RPS6KA6: variants seen among roughly 807,000 people sequenced by gnomAD.
RPS6KA6 encodes ribosomal protein S6 kinase A6.
In RPS6KA6, 27 loss-of-function variants were observed where a neutral mutation model predicts 65.4. The ratio of observed to expected loss-of-function variants is 0.41; its 90% CI spans 0.30 to 0.57. RPS6KA6 has a LOEUF of 0.57. RPS6KA6 is among the 20% of genes least tolerant of loss of function. The probability of loss-of-function intolerance (pLI) is 0.24; values close to 1 mark genes in which losing one functional copy is unlikely to be tolerated. For missense variants in RPS6KA6, 486 were observed against 555.6 expected (o/e 0.87, Z 1.26); for synonymous variants, 190 against 184.2 (o/e 1.03, Z -0.26).
chrX:84,131,571 G>A (rs1225233389), intron 8 of RPS6KA6, among the ~76,000 whole-genome samples: 1 of 111,428 alleles, frequency 9.0e-6, no homozygotes, highest in Non-Finnish European at 1.9e-5. Flanking sequence ...AGAGAAGGGG[G>A]GAGAGAAGAA....
intron 2 of RPS6KA6, among the ~76,000 whole-genome samples, chrX:84,160,461 G>A (rs1234887655): frequency 9.0e-6 from 1 of 111,586 alleles, no homozygotes; most frequent in Non-Finnish European, 1.9e-5. Context: ...AGAAAAAGCT[G>A]ATGACAACCT....
chrX:84,079,937 G>A (rs1231970299), intron 20 of RPS6KA6, among the ~76,000 whole-genome samples: 1 of 112,221 alleles, frequency 8.9e-6, no homozygotes, highest in Non-Finnish European at 1.9e-5. Context: ...CTACTCTGAA[G>A]AGAGCAGTGG....
intron 20 of RPS6KA6, among the ~76,000 whole-genome samples, chrX:84,068,744 T>C (rs780355133): frequency 7.2e-5 from 8 of 111,876 alleles, no homozygotes; most frequent in Admixed American, 1.9e-4. Flanking sequence ...AAAACCAATG[T>C]GCAAAAATCA....
rs1464144995 is a variant in RPS6KA6, at chrX:84,105,889, A to C, written c.1366-13T>G. 1 of 967,371 alleles carries C rather than the reference A, an allele frequency of 1.0e-6. No homozygotes were observed. The highest frequency in any genetic ancestry group is 1.5e-6 in the Non-Finnish European group (1 of 688,871). The allele number at this position is 967,371 out of a possible 1,213,427, so 79.7% of individuals were successfully genotyped here. ...TTTTGTCAATGATCTAAGAAATACG[A>C]AAAAAGAAAAATATCTGAGGCAAAC... On this transcript the variant is annotated splice_polypyrimidine_tract_variant and intron_variant, in intron 15 of 21. Transcript: ENST00000262752.
At chrX:84,115,530 T>G (rs1294556491) in intron 12 of RPS6KA6, among the ~76,000 whole-genome samples, 2 of 111,747 alleles carry the variant, frequency 1.8e-5, no homozygotes, top group Non-Finnish European at 3.8e-5. Flanking sequence ...AGTACAACCT[T>G]TATGAAAAAC....
Position 84,104,610 on chromosome X carries a change from T to C in RPS6KA6, c.1503A>G (p.Lys501=). The C allele has an allele frequency of 1.7e-6, 2 of 1,180,463 alleles. No individual in the cohort carries two copies. Among genetic ancestry groups the C allele is most frequent in the South Asian group, 2.0e-5 (1 of 51,253 alleles). Residue 501 remains lysine, a synonymous_variant, in exon 17 of 22, where the codon AAA becomes AAG. Coordinates refer to ENST00000262752, the MANE Select transcript of RPS6KA6 (RefSeq NM_014496.5). ...RYVYLVTDLM[K]GGELLDRILK... is the part of the protein sequence containing the mutation. ...GAATACGGTCAAGTAACTCTCCTCC[T>C]TTCATTAAATCCGTAACAAGGTAAA...
intron 3 of RPS6KA6, among the ~76,000 whole-genome samples, chrX:84,155,682 T>C (rs1315749931): frequency 1.8e-5 from 2 of 112,409 alleles, no homozygotes; most frequent in African/African-American, 6.5e-5. Flanking sequence ...ACATAAATTC[T>C]GATTTCTGTG....
chrX:84,179,747 G>A (rs2035822964), intron 1 of RPS6KA6, among the ~76,000 whole-genome samples: 1 of 111,325 alleles, frequency 9.0e-6, no homozygotes, highest in Admixed American at 9.5e-5. Context: ...TTCTCCATCT[G>A]TAAAATAAAG....
rs1252035823 is a variant in RPS6KA6, at chrX:84,092,705, G to C, written c.1971+3489C>G. Among the ~76,000 whole-genome samples the C allele has an allele frequency of 2.7e-5, 3 of 111,153 alleles. No homozygotes were observed. The Admixed American group carries it at 2.9e-4, about 11-fold the overall frequency. On this transcript the variant is annotated intron_variant, in intron 20 of 21. Coordinates refer to ENST00000262752, the MANE Select transcript of RPS6KA6 (RefSeq NM_014496.5). ...AAATAAAAAAATAAGTGTTGACAAA[G>C]ATGTGGAGAAATGGGAACCCTTACA...
At position 84,147,076 on chromosome X, in the gene RPS6KA6, G is replaced by T. The variant is rs773878134; in HGVS notation, c.341-18C>A. ...GTCTCGAACTAAAAATTACATAAAG[G>T]TACAATATATTGCTCTCTTACATCA... On this transcript the variant is annotated intron_variant, in intron 4 of 21. Coordinates refer to ENST00000262752, the MANE Select transcript of RPS6KA6 (RefSeq NM_014496.5). The T allele has an allele frequency of 1.0e-5, 10 of 955,931 alleles. No individual in the cohort carries two copies. In the African/African-American group the frequency reaches 1.5e-4, roughly 15 times the overall value. The allele number at this position is 955,931 out of a possible 1,213,427, so 78.8% of individuals were successfully genotyped here. A position where few individuals can be genotyped will look rare whatever the true frequency, so the allele number is the denominator to read the frequency against.
chrX:84,137,786 G>A (rs1162121833), intron 6 of RPS6KA6, among the ~76,000 whole-genome samples: 3 of 111,649 alleles, frequency 2.7e-5, no homozygotes, highest in African/African-American at 9.8e-5. Flanking sequence ...TTCTATTACT[G>A]ACTTACTGTT....
At chrX:84,069,839 G>A (rs1255203611) in intron 20 of RPS6KA6, among the ~76,000 whole-genome samples, 2 of 112,408 alleles carry the variant, frequency 1.8e-5, no homozygotes, top group African/African-American at 6.5e-5. Context: ...TTAGAGAAAT[G>A]CAAATTGAAA....
chrX:84,101,686 A>G (rs1000985344), intron 18 of RPS6KA6, among the ~76,000 whole-genome samples: 2 of 110,781 alleles, frequency 1.8e-5, no homozygotes, highest in Non-Finnish European at 3.8e-5. Context: ...GGTCTTGAAT[A>G]AGTCATTGAA....
chrX:84,150,874 G>GAT (rs1287203123), intron 3 of RPS6KA6, among the ~76,000 whole-genome samples: 10 of 92,345 alleles, frequency 1.1e-4, no homozygotes, highest in East Asian at 6.5e-4. Context: ...ATATATATAG[G>GAT]ATATATATAT....
At chrX:84,084,138 T>A (rs2033865217) in intron 20 of RPS6KA6, among the ~76,000 whole-genome samples, 2 of 112,386 alleles carry the variant, frequency 1.8e-5, no homozygotes, top group South Asian at 7.3e-4. Flanking sequence ...ATTGAAAAAT[T>A]TTTCTCCCAC....
rs148948673 is a variant in RPS6KA6, at chrX:84,109,420, G to A, written c.1009-1695C>T. ...GCCATGGGAATCCCACCACCAGAGC[G>A]TTCTGTGATAATCTGAGAATCCTGT... On this transcript the variant is annotated intron_variant, in intron 12 of 21. Coordinates refer to ENST00000262752, the MANE Select transcript of RPS6KA6 (RefSeq NM_014496.5). Among the ~76,000 whole-genome samples, 702 of 111,042 alleles carry A rather than the reference G, an allele frequency of 6.3e-3. 3 individuals are homozygous for A. The highest frequency in any genetic ancestry group is 0.022 in the African/African-American group (672 of 30,523).
chrX:84,084,695 A>C (rs1176620125), intron 20 of RPS6KA6, among the ~76,000 whole-genome samples: 1 of 111,731 alleles, frequency 9.0e-6, no homozygotes, highest in East Asian at 2.8e-4. Flanking sequence ...TATTTGGGCT[A>C]TTTTTTGGTT....
intron 8 of RPS6KA6, among the ~76,000 whole-genome samples, chrX:84,128,480 T>C (rs545519682): frequency 7.2e-5 from 8 of 110,924 alleles, no homozygotes; most frequent in South Asian, 7.5e-4. Flanking sequence ...TAGAATGAGA[T>C]TCTACACAGA....
chrX:84,065,692 G>T (rs2033385341), intron 20 of RPS6KA6, among the ~76,000 whole-genome samples: 1 of 111,143 alleles, frequency 9.0e-6, no homozygotes, highest in African/African-American at 3.2e-5. Flanking sequence ...TAAAAAAGTT[G>T]TAAATTTAAT....
Sources: gnomAD v4.1 joint callset for allele counts (sites outside exome capture counted in the v4.1 genomes callset) on GRCh38, gnomAD v4.1.1 for gene constraint, MANE v1.5 for transcripts, NCBI Gene and HGNC (gene_info 2026-07-23, HGNC 2026-07-21) for gene names.